Variants in GLIS3 observed in about 807,000 individuals in gnomAD.
GLIS3 encodes the protein GLIS family zinc finger 3, also known as zinc finger protein GLIS3.
Under a neutral mutation model 78.6 loss-of-function variants are expected in GLIS3, and 53 were observed. The observed-to-expected ratio is 0.67, with a 90% confidence interval of 0.54 to 0.85. The LOEUF is 0.85. Ranked by LOEUF, GLIS3 falls within the 40% of genes least tolerant of loss-of-function variation. GLIS3 has a pLI of 0.00. For missense variants in GLIS3, 1,703 were observed against 1,231.1 expected, an observed-to-expected ratio of 1.38 and a Z score of -5.74; for synonymous variants, 684 against 509.9, an observed-to-expected ratio of 1.34 and a Z score of -4.60.
chr9:4,062,243 C>T (rs1826715434), intron 4 of GLIS3, among the ~76,000 whole-genome samples: 1 of 152,182 alleles, frequency 6.6e-6, no homozygotes, highest in African/African-American at 2.4e-5. Context: ...GAGAGAAAGG[C>T]ATTTCATAAT....
At chr9:4,176,164 G>C (rs954791577) in intron 2 of GLIS3, among the ~76,000 whole-genome samples, 1 of 152,004 alleles carries the variant, frequency 6.6e-6, no homozygotes, top group African/African-American at 2.4e-5. Context: ...ATCAAGATCT[G>C]GTGGCACTTT....
In GLIS3 at chr9:4,154,601, C is replaced by T. The variant is rs146236838; in HGVS notation, c.389-28660G>A. ...TAAAGACTTACATAAACAGTCCTTG[C>T]GAATCAATGATAAACATTCATGTAG... On this transcript the variant is annotated intron_variant, in intron 2 of 10. Transcript: ENST00000381971. 4.8e-4 allele frequency among the ~76,000 whole-genome samples: 52 copies of T among 108,702 alleles called. 2 individuals are homozygous for T. Among genetic ancestry groups the T allele is most frequent in the African/African-American group, 1.9e-3 (44 of 23,622 alleles). The allele number at this position is 108,702 out of a possible 152,430, so 71.3% of individuals were successfully genotyped here.
At chr9:3,862,111 G>C (rs751765235) in intron 8 of GLIS3, among the ~76,000 whole-genome samples, 33 of 152,128 alleles carry the variant, frequency 2.2e-4, no homozygotes, top group Non-Finnish European at 4.1e-4. Flanking sequence ...GAATGTTTTA[G>C]TTGGAAAGGG....
intron 2 of GLIS3, among the ~76,000 whole-genome samples, chr9:4,239,330 C>G (rs553433554): frequency 6.6e-6 from 1 of 150,408 alleles, no homozygotes; most frequent in South Asian, 2.1e-4. Context: ...AAAAAAAAAA[C>G]CAAAAAAAAT....
the GLIS3 span, among the ~76,000 whole-genome samples, chr9:4,407,425 C>G: frequency 1.3e-5 from 2 of 152,206 alleles, no homozygotes; most frequent in African/African-American, 4.8e-5. Flanking sequence ...GCAGGTGGAT[C>G]ACGAGGTCAG....
chr9:4,194,398 A>C (rs1190299184), intron 2 of GLIS3, among the ~76,000 whole-genome samples: 1 of 152,198 alleles, frequency 6.6e-6, no homozygotes. Context: ...GTAAAAAATA[A>C]AAAAATTAGA....
upstream of GLIS3, among the ~76,000 whole-genome samples, chr9:4,303,527 C>T (rs1414653278): frequency 1.3e-5 from 2 of 152,186 alleles, no homozygotes; most frequent in Non-Finnish European, 2.9e-5. Flanking sequence ...CTCTTCGGCT[C>T]ACATACATGT....
intron 4 of GLIS3, among the ~76,000 whole-genome samples, chr9:3,982,610 A>G (rs947829235): frequency 1.3e-5 from 2 of 152,236 alleles, no homozygotes; most frequent in Non-Finnish European, 2.9e-5. Flanking sequence ...TAATATCGAA[A>G]TAAGTGAAAA....
At chr9:4,243,361 A>T (rs1232791092) in intron 2 of GLIS3, among the ~76,000 whole-genome samples, 1 of 150,100 alleles carries the variant, frequency 6.7e-6, no homozygotes, top group Non-Finnish European at 1.5e-5. Flanking sequence ...CAGTAGACAG[A>T]ACCTCCATAT....
rs1587391969 is a variant in GLIS3, at chr9:4,335,368, A to G, written n.264+11713T>C. On this transcript the variant is annotated intron_variant and non_coding_transcript_variant, in intron 2 of 4. Transcript: ENST00000471664. ...TTGATCAATTAATTGTAGACAGCTAAACCAAATGGTTCAGTTAAAGTAAAT... is the reference window on the plus strand; with the variant it reads ...TTGATCAATTAATTGTAGACAGCTAGACCAAATGGTTCAGTTAAAGTAAAT... 2.6e-5 allele frequency among the ~76,000 whole-genome samples: 4 copies of G among 152,356 alleles called. No individual in the cohort carries two copies. In the South Asian group the frequency reaches 6.2e-4, roughly 24 times the overall value.
chr9:4,337,393 A>G (rs993079697), intron 2 of GLIS3, among the ~76,000 whole-genome samples: 6 of 152,246 alleles, frequency 3.9e-5, no homozygotes, highest in African/African-American at 1.4e-4. Flanking sequence ...TATGGTCAAA[A>G]AATTAATGAC....
chr9:3,907,627 C>T (rs1042238526), intron 6 of GLIS3, among the ~76,000 whole-genome samples: 2 of 149,072 alleles, frequency 1.3e-5, no homozygotes, highest in African/African-American at 5.0e-5. Flanking sequence ...CACACACAGA[C>T]ACACACACAC....
At chr9:4,401,179 C>G in the GLIS3 span, among the ~76,000 whole-genome samples, 1 of 152,144 alleles carries the variant, frequency 6.6e-6, no homozygotes, top group African/African-American at 2.4e-5. Flanking sequence ...AGTGGAGAGT[C>G]CACTTCCCTC....
intron 7 of GLIS3, among the ~76,000 whole-genome samples, chr9:3,887,408 G>C (rs1211747603): frequency 1.3e-5 from 2 of 152,014 alleles, no homozygotes; most frequent in African/African-American, 4.8e-5. Flanking sequence ...GGTAAGTGAG[G>C]GCACGGCTCT....
chr9:4,033,708 A>G (rs1316662584), intron 4 of GLIS3, among the ~76,000 whole-genome samples: 1 of 152,094 alleles, frequency 6.6e-6, no homozygotes, highest in East Asian at 1.9e-4. Context: ...GTACTAAAAC[A>G]GGGACCTATT....
the GLIS3 span, among the ~76,000 whole-genome samples, chr9:4,445,718 C>CTCA: frequency 6.6e-6 from 1 of 152,196 alleles, no homozygotes; most frequent in Non-Finnish European, 1.5e-5. Flanking sequence ...AAACGACCTA[C>CTCA]TCATGGACAC....
At chr9:4,174,562 T>C (rs1816656099) in intron 2 of GLIS3, among the ~76,000 whole-genome samples, 1 of 152,226 alleles carries the variant, frequency 6.6e-6, no homozygotes, top group Non-Finnish European at 1.5e-5. Context: ...TTCCTATATA[T>C]ATAATCAATT....
intron 4 of GLIS3, among the ~76,000 whole-genome samples, chr9:3,991,642 G>T (rs1820246782): frequency 6.9e-6 from 1 of 145,754 alleles, no homozygotes; most frequent in Non-Finnish European, 1.5e-5. Context: ...TGGGGTTACT[G>T]TCATATTATT....
At chr9:4,109,221 G>C (rs1166282822) in intron 4 of GLIS3, among the ~76,000 whole-genome samples, 2 of 152,166 alleles carry the variant, frequency 1.3e-5, no homozygotes, top group African/African-American at 2.4e-5. Context: ...ATGAGCACCA[G>C]TCCAAACCTT....
Sources: allele counts gnomAD v4.1 joint callset (sites outside exome capture counted in the v4.1 genomes callset), GRCh38; gene constraint gnomAD v4.1.1; transcripts MANE v1.5; gene names NCBI Gene and HGNC (gene_info 2026-07-23, HGNC 2026-07-21).